SPIRE1: variants seen among roughly 807,000 people sequenced by gnomAD.
SPIRE1 encodes spire type actin nucleation factor 1, also known as protein spire homolog 1.
Under a neutral mutation model 94.1 loss-of-function variants are expected in SPIRE1, and 40 were observed. The observed-to-expected ratio is 0.43, with a 90% CI of 0.33 to 0.55. The LOEUF (loss-of-function observed/expected upper bound fraction) is 0.55, where lower values mean the gene tolerates loss of function less well. SPIRE1 is among the 20% of genes least tolerant of loss of function. The pLI, the probability that SPIRE1 is intolerant of heterozygous loss-of-function variation, is 0.06. For missense variants in SPIRE1, 838 were observed against 975.2 expected, an observed-to-expected ratio of 0.86 and a Z score of 1.87; for synonymous variants, 376 against 371.7, an observed-to-expected ratio of 1.01 and a Z score of -0.13.
intron 6 of SPIRE1, among the ~76,000 whole-genome samples, chr18:12,503,327 C>T (rs138366531): frequency 6.0e-4 from 92 of 152,232 alleles, no homozygotes; most frequent in East Asian, 6.0e-3. Flanking sequence ...TTTCACAGCG[C>T]GCATCCGACC....
intron 10 of SPIRE1, 141 bp downstream of exon 10, chr18:12,479,558 A>T (rs1052171549): frequency 7.9e-6 from 6 of 759,560 alleles, no homozygotes; most frequent in Admixed American, 3.3e-5. Flanking sequence ...CTGCAAACCA[A>T]ATTAATTTTA....
At position 12,449,838 on chromosome 18, in the gene SPIRE1, C is replaced by A. The variant is rs2031137183; in HGVS notation, c.2071G>T (p.Glu691Ter). Residue 691 changes from glutamate to a stop codon, truncating the protein, a stop_gained, in exon 17 of 17, where the codon GAG becomes TAG. Coordinates refer to ENST00000409402, the MANE Select transcript of SPIRE1 (RefSeq NM_001128626.2). LOFTEE classifies it high-confidence loss of function. ...KSDEELQFPK[E>*]LMEDWSTMEV... is the part of the protein sequence containing the mutation. ...ATGGTGCTCCAGTCCTCCATCAACTCTTTGGGAAACTGGAGTTCTTCATCT... is the reference window on the plus strand; with the variant it reads ...ATGGTGCTCCAGTCCTCCATCAACTATTTGGGAAACTGGAGTTCTTCATCT... 1 of 1,614,126 alleles carries A rather than the reference C, an allele frequency of 6.2e-7. No individual in the cohort carries two copies. Among genetic ancestry groups the A allele is most frequent in the East Asian group, 2.2e-5 (1 of 44,880 alleles).
intron 4 of SPIRE1, among the ~76,000 whole-genome samples, chr18:12,522,553 A>C (rs1296318650): frequency 1.3e-5 from 2 of 152,226 alleles, no homozygotes; most frequent in Non-Finnish European, 2.9e-5. Context: ...AATGTAGATG[A>C]AACAATTTAA....
chr18:12,592,977 G>A (rs535175802), intron 2 of SPIRE1, among the ~76,000 whole-genome samples: 56 of 152,136 alleles, frequency 3.7e-4, no homozygotes, highest in Admixed American at 9.8e-4. Flanking sequence ...GACTACAGGC[G>A]CAAGCCACCA....
chr18:12,453,981 C>CA (rs2031378241), intron 13 of SPIRE1, among the ~76,000 whole-genome samples: 1 of 152,184 alleles, frequency 6.6e-6, no homozygotes, highest in Non-Finnish European at 1.5e-5. Flanking sequence ...GACAGGGTTT[C>CA]ACCATGTTGG....
intron 2 of SPIRE1, among the ~76,000 whole-genome samples, chr18:12,587,174 G>A (rs548061344): frequency 6.6e-6 from 1 of 152,198 alleles, no homozygotes; most frequent in Non-Finnish European, 1.5e-5. Flanking sequence ...AAAAGTAGGT[G>A]GCACCAACAC....
At chr18:12,562,340 A>T (rs933629370) in intron 2 of SPIRE1, among the ~76,000 whole-genome samples, 1 of 152,136 alleles carries the variant, frequency 6.6e-6, no homozygotes, top group Non-Finnish European at 1.5e-5. Context: ...GCTGGAGTGC[A>T]GTGGTGTAAT....
At chr18:12,577,227 A>G (rs2144511267) in intron 2 of SPIRE1, among the ~76,000 whole-genome samples, 1 of 142,518 alleles carries the variant, frequency 7.0e-6, no homozygotes, top group East Asian at 2.1e-4. Context: ...GGCTCACTGC[A>G]AGCTCCGCCT....
At chr18:12,660,599 G>A (rs144884916), upstream of SPIRE1, among the ~76,000 whole-genome samples, 172 of 152,224 alleles carry the variant, frequency 1.1e-3, 1 homozygote, top group East Asian at 6.9e-3. Context: ...GGGATTACAG[G>A]TGTGAGCCAC....
chr18:12,506,468 G>T lies in SPIRE1; in HGVS notation c.972+9C>A. On this transcript the variant is annotated intron_variant, in intron 6 of 16. Coordinates refer to ENST00000409402, the MANE Select transcript of SPIRE1 (RefSeq NM_001128626.2). ...GCCACATGCCCGGCCTGACAGCTTGGTTACTTACCATCACTTTTCGCAAGG... is the reference window on the plus strand; with the variant it reads ...GCCACATGCCCGGCCTGACAGCTTGTTTACTTACCATCACTTTTCGCAAGG... 1 of 1,613,580 alleles carries T rather than the reference G, an allele frequency of 6.2e-7. No individual in the cohort carries two copies. Among genetic ancestry groups the T allele is most frequent in the Non-Finnish European group, 8.5e-7 (1 of 1,179,688 alleles).
chr18:12,554,858 C>G (rs1438603670), intron 2 of SPIRE1, among the ~76,000 whole-genome samples: 1 of 152,186 alleles, frequency 6.6e-6, no homozygotes, highest in Non-Finnish European at 1.5e-5. Context: ...TTGATTCTCC[C>G]AGTCTTAACA....
intron 4 of SPIRE1, among the ~76,000 whole-genome samples, chr18:12,533,405 A>C (rs2034744990): frequency 6.6e-6 from 1 of 152,222 alleles, no homozygotes. Flanking sequence ...TTTAATCAAG[A>C]GCAAAAAATT....
chr18:12,510,825 C>T (rs900163816), intron 5 of SPIRE1, among the ~76,000 whole-genome samples: 1 of 152,170 alleles, frequency 6.6e-6, no homozygotes, highest in South Asian at 2.1e-4. Flanking sequence ...CAGGTGTGAG[C>T]CACCACACCT....
intron 4 of SPIRE1, among the ~76,000 whole-genome samples, chr18:12,528,941 TAG>T (rs774854538): frequency 3.9e-5 from 6 of 152,130 alleles, no homozygotes; most frequent in Non-Finnish European, 8.8e-5. Context: ...AACAGTGAAT[TAG>T]AGAGAAAAGG....
chr18:12,606,490 C>G (rs992214061), intron 2 of SPIRE1, among the ~76,000 whole-genome samples: 1 of 151,468 alleles, frequency 6.6e-6, no homozygotes, highest in Non-Finnish European at 1.5e-5. Context: ...AAGCTGCTCA[C>G]TTTCCTAAAA....
chr18:12,489,532 G>A (rs558229289), intron 8 of SPIRE1, among the ~76,000 whole-genome samples: 32 of 152,310 alleles, frequency 2.1e-4, no homozygotes, highest in South Asian at 8.3e-4. Context: ...GACAAAAATT[G>A]AGGATGTCAA....
intron 2 of SPIRE1, among the ~76,000 whole-genome samples, chr18:12,612,018 C>CA (rs983092630): frequency 3.2e-4 from 48 of 152,130 alleles, no homozygotes; most frequent in African/African-American, 1.1e-3. Context: ...ACACCCTTTA[C>CA]AAAAAAATGC....
At chr18:12,615,924 C>A (rs2037295186) in intron 2 of SPIRE1, among the ~76,000 whole-genome samples, 1 of 152,180 alleles carries the variant, frequency 6.6e-6, no homozygotes, top group Non-Finnish European at 1.5e-5. Context: ...TCCTTAGCAA[C>A]CTTTTACAGC....
rs150422899 is a variant in SPIRE1 at position 12,644,131 on chromosome 18, G to A, written c.338-9035C>T. 1.0e-3 allele frequency among the ~76,000 whole-genome samples: 155 copies of A among 149,566 alleles called. 1 individual carries two copies. The highest frequency in any genetic ancestry group is 6.7e-3 in the East Asian group (34 of 5,096). ...GGAGAATCGCTTGAACACAGGAGGC[G>A]GAGGTTGCAGTGAGTTGAGATCGAG... On this transcript the variant is annotated intron_variant, in intron 1 of 16. Transcript: ENST00000409402.
Sources: gnomAD v4.1 joint callset for allele counts (sites outside exome capture counted in the v4.1 genomes callset) on GRCh38, gnomAD v4.1.1 for gene constraint, MANE v1.5 for transcripts, NCBI Gene and HGNC (gene_info 2026-07-23, HGNC 2026-07-21) for gene names.